Variants in C12orf56 observed in about 807,000 individuals in gnomAD.
The protein encoded by C12orf56 is chromosome 12 open reading frame 56, also known as uncharacterized protein C12orf56.
C12orf56 carries 71 observed loss-of-function variants against 69.9 expected under a neutral mutation model. The observed-to-expected ratio is 1.02, with a 90% CI of 0.84 to 1.24. C12orf56 has a LOEUF of 1.24. C12orf56 is among the 50% of genes most tolerant of loss of function. C12orf56 has a pLI of 0.00. For missense variants in C12orf56, 732 were observed against 738.5 expected (o/e 0.99, Z 0.10); for synonymous variants, 276 against 274.1 (o/e 1.01, Z -0.07).
intron 2 of C12orf56, among the ~76,000 whole-genome samples, chr12:64,336,098 G>A (rs1163744188): frequency 4.6e-5 from 7 of 152,138 alleles, no homozygotes; most frequent in African/African-American, 1.7e-4. Context: ...AACCACTGGG[G>A]CCCTAGATAT....
Position 64,284,559 on chromosome 12 carries a change from G to A in C12orf56, c.1310+105C>T, listed in dbSNP as rs58160282. 9.8e-3 allele frequency: 6,982 copies of A among 712,674 alleles called. 338 individuals are homozygous for A. The African/African-American group carries it at 0.11, about 11-fold the overall frequency. The allele number at this position is 712,674 out of a possible 1,614,324, so 44.1% of individuals were successfully genotyped here. A position where few individuals can be genotyped will look rare whatever the true frequency, so the allele number is the denominator to read the frequency against. On this transcript the variant is annotated intron_variant, in intron 8 of 12. Transcript: ENST00000543942. ...AAAAGAGTGAAATATACTTGGAAGGGTGTTGAACAGGGAAGTTGGAGAATT... is the reference window on the plus strand; with the variant it reads ...AAAAGAGTGAAATATACTTGGAAGGATGTTGAACAGGGAAGTTGGAGAATT...
chr12:64,353,378 G>A (rs1294071558), intron 1 of C12orf56, among the ~76,000 whole-genome samples: 2 of 151,982 alleles, frequency 1.3e-5, no homozygotes, highest in African/African-American at 2.4e-5. Context: ...GGCTGGTCTC[G>A]AATTCCTGAC....
chr12:64,389,573 G>C (rs576987328), intron 1 of C12orf56, among the ~76,000 whole-genome samples: 21 of 152,062 alleles, frequency 1.4e-4, no homozygotes, highest in Non-Finnish European at 2.4e-4. Flanking sequence ...CTCGGCTCAC[G>C]GCAACCTCCG....
At chr12:64,386,983 G>T (rs1250110995) in intron 1 of C12orf56, among the ~76,000 whole-genome samples, 2 of 148,074 alleles carry the variant, frequency 1.4e-5, no homozygotes, top group African/African-American at 5.0e-5. Flanking sequence ...GGAGGCTGAG[G>T]TGGGAGAATT....
intron 6 of C12orf56, among the ~76,000 whole-genome samples, chr12:64,286,463 C>T (rs2038202811): frequency 6.6e-6 from 1 of 152,178 alleles, no homozygotes; most frequent in African/African-American, 2.4e-5. Context: ...AGCAAGTTCT[C>T]GTTTTAAAAT....
intron 5 of C12orf56, among the ~76,000 whole-genome samples, chr12:64,305,263 C>G (rs1251580885): frequency 6.6e-6 from 1 of 152,132 alleles, no homozygotes; most frequent in African/African-American, 2.4e-5. Flanking sequence ...CCTAGATCTA[C>G]CCCTACTCAG....
intron 3 of C12orf56, among the ~76,000 whole-genome samples, chr12:64,319,259 C>G (rs899688134): frequency 2.6e-5 from 4 of 152,146 alleles, no homozygotes; most frequent in Admixed American, 6.5e-5. Context: ...AAGTATTGTG[C>G]CTGTCCTTCA....
chr12:64,294,564 A>C (rs140611474), intron 6 of C12orf56, among the ~76,000 whole-genome samples: 1 of 152,308 alleles, frequency 6.6e-6, no homozygotes, highest in Non-Finnish European at 1.5e-5. Flanking sequence ...GCTAGGTGAA[A>C]TCTCAGTCAC....
chr12:64,295,810 A>T (rs1171387668), intron 6 of C12orf56, among the ~76,000 whole-genome samples: 1 of 150,804 alleles, frequency 6.6e-6, no homozygotes, highest in Non-Finnish European at 1.5e-5. Flanking sequence ...TATAATATAT[A>T]TTTTTATATC....
intron 3 of C12orf56, among the ~76,000 whole-genome samples, 167 bp downstream of exon 3, chr12:64,330,793 A>G (rs999001696): frequency 1.3e-5 from 2 of 152,224 alleles, no homozygotes; most frequent in Non-Finnish European, 2.9e-5. Context: ...ACTGATTTGA[A>G]TTGAGAAAAA....
chr12:64,374,058 G>A (rs1335289919), intron 1 of C12orf56, among the ~76,000 whole-genome samples: 2 of 151,948 alleles, frequency 1.3e-5, no homozygotes, highest in African/African-American at 4.8e-5. Context: ...TTCTACCTGG[G>A]CTTTAGTGTA....
intron 1 of C12orf56, among the ~76,000 whole-genome samples, chr12:64,379,958 G>A (rs959257257): frequency 1.4e-5 from 2 of 148,064 alleles, no homozygotes; most frequent in African/African-American, 2.5e-5. Context: ...AAAAGTCTCC[G>A]GGCGTGATGG....
chr12:64,278,484 A>G (rs1565735526), intron 8 of C12orf56, among the ~76,000 whole-genome samples: 2 of 152,132 alleles, frequency 1.3e-5, no homozygotes, highest in African/African-American at 4.8e-5. Flanking sequence ...TAAAAATTGT[A>G]TATATTTATG....
chr12:64,282,197 A>T (rs1403078431), intron 8 of C12orf56, among the ~76,000 whole-genome samples: 1 of 152,212 alleles, frequency 6.6e-6, no homozygotes, highest in Non-Finnish European at 1.5e-5. Flanking sequence ...CTCTACAAAA[A>T]AATAAAAAAA....
At chr12:64,314,063 AAAAG>A in intron 4 of C12orf56, among the ~76,000 whole-genome samples, 1 of 151,698 alleles carries the variant, frequency 6.6e-6, no homozygotes, top group Middle Eastern at 3.4e-3. Flanking sequence ...AAAAAAAAAA[AAAAG>A]ATTTACCGAT....
At chr12:64,331,158 T>C (rs995701024) in intron 2 of C12orf56, 126 bp from the exon 3 acceptor site, 6 of 826,826 alleles carry the variant, frequency 7.3e-6, no homozygotes, top group Admixed American at 5.8e-5. Context: ...AAGTCCAAAA[T>C]TGTAAGCTGG....
At chr12:64,353,120 T>C in intron 1 of C12orf56, 64 bp from the exon 2 acceptor site, 1 of 1,505,794 alleles carries the variant, frequency 6.6e-7, no homozygotes. Flanking sequence ...TTTGGTATAA[T>C]AAATCCCCCA....
chr12:64,349,117 T>C (rs1311919991), intron 2 of C12orf56, among the ~76,000 whole-genome samples: 2 of 152,200 alleles, frequency 1.3e-5, no homozygotes, highest in South Asian at 2.1e-4. Context: ...CTTCACAATC[T>C]ATACATCTGA....
At chr12:64,379,751 A>T (rs1423689736) in intron 1 of C12orf56, among the ~76,000 whole-genome samples, 2 of 151,778 alleles carry the variant, frequency 1.3e-5, no homozygotes, top group Admixed American at 6.6e-5. Flanking sequence ...AGCATCTATA[A>T]TATGGCCTCA....
Sources: allele counts gnomAD v4.1 joint callset (sites outside exome capture counted in the v4.1 genomes callset), GRCh38; gene constraint gnomAD v4.1.1; transcripts MANE v1.5; gene names NCBI Gene and HGNC (gene_info 2026-07-23, HGNC 2026-07-21).